Variants in FSD1L observed in about 807,000 individuals in gnomAD.
FSD1L encodes FSD1-like protein.
In FSD1L, 45 loss-of-function variants were observed where a neutral mutation model predicts 71.6. The ratio of observed to expected loss-of-function variants is 0.63; its 90% CI spans 0.49 to 0.81. The LOEUF is 0.81. Ranked by LOEUF, FSD1L falls within the 30% of genes least tolerant of loss-of-function variation. The probability of loss-of-function intolerance (pLI) is 0.00; values close to 1 mark genes in which losing one functional copy is unlikely to be tolerated. For missense variants in FSD1L, 561 were observed against 618.1 expected (o/e 0.91, Z 0.98); for synonymous variants, 197 against 207.2 (o/e 0.95, Z 0.42).
At chr9:105,536,879 C>T (rs1005550060) in intron 12 of FSD1L, among the ~76,000 whole-genome samples, 5 of 152,154 alleles carry the variant, frequency 3.3e-5, no homozygotes, top group African/African-American at 1.2e-4. Context: ...TCAAGTGATC[C>T]ACCTGGCTGG....
intron 10 of FSD1L, chr9:105,521,092 T>C (rs1339188421): frequency 9.3e-6 from 15 of 1,613,572 alleles, no homozygotes; most frequent in Non-Finnish European, 1.3e-5. Context: ...CATTATGTCA[T>C]GATAAAGAAA....
chr9:105,552,119 A>G lies in FSD1L; in HGVS notation c.*5636A>G, dbSNP rs1837289023. On this transcript the variant is annotated 3_prime_UTR_variant, in exon 14 of 14. Transcript: ENST00000481272. ...CAGATTTAGTATGTCTATTATCTGG[A>G]CATGATTTTGCTATGCAGTTGTGAT... 1 of 152,182 alleles carries G rather than the reference A, an allele frequency of 6.6e-6. No homozygotes were observed. The highest frequency in any genetic ancestry group is 1.5e-5 in the Non-Finnish European group (1 of 68,020). 9.4% of individuals were successfully genotyped at this position (152,182 alleles called of 1,614,324 possible).
At chr9:105,481,919 C>T (rs1047565629) in intron 6 of FSD1L, among the ~76,000 whole-genome samples, 8 of 151,930 alleles carry the variant, frequency 5.3e-5, no homozygotes, top group Non-Finnish European at 7.4e-5. Context: ...ACTGCAGGCA[C>T]GTGCCACCAT....
intron 1 of FSD1L, among the ~76,000 whole-genome samples, chr9:105,452,695 C>T (rs865906629): frequency 6.1e-5 from 9 of 147,636 alleles, no homozygotes; most frequent in Middle Eastern, 3.2e-3. Context: ...TCCTTCCTTC[C>T]TTCCTTCCTT....
intron 7 of FSD1L, among the ~76,000 whole-genome samples, chr9:105,494,437 T>G (rs1248478666): frequency 1.3e-5 from 2 of 152,200 alleles, no homozygotes; most frequent in Non-Finnish European, 2.9e-5. Context: ...TTCTTTGCCT[T>G]TGGTTTGAAT....
chr9:105,469,601 A>G lies in FSD1L; in HGVS notation c.339+1277A>G, dbSNP rs531991916. On this transcript the variant is annotated intron_variant, in intron 4 of 13. Coordinates refer to ENST00000481272, the MANE Select transcript of FSD1L (RefSeq NM_001145313.3). ...AAGTGTCTATTCAGGTTCTTTGGCC[A>G]TCTTTTAATTGGGTTACTTGGGGTT... Among the ~76,000 whole-genome samples the G allele has an allele frequency of 5.3e-5, 8 of 151,712 alleles. No homozygotes were observed. The South Asian group carries it at 1.5e-3, about 28-fold the overall frequency.
chr9:105,522,261 A>T, intron 10 of FSD1L: 1 of 1,613,200 alleles, frequency 6.2e-7, no homozygotes, highest in Non-Finnish European at 8.5e-7. Flanking sequence ...GGAGACATTA[A>T]CTAAAGTTTT....
At chr9:105,533,416 C>CTTTTTTTTTTGTTTTT (rs1836035759) in intron 10 of FSD1L, among the ~76,000 whole-genome samples, 1 of 29,070 alleles carries the variant, frequency 3.4e-5, no homozygotes, top group South Asian at 2.5e-3. Context: ...CCATTTCCAT[C>CTTTTTTTTTTGTTTTT]TTTTTTTTTT....
intron 7 of FSD1L, among the ~76,000 whole-genome samples, chr9:105,495,312 G>A (rs1189272831): frequency 6.6e-6 from 1 of 152,312 alleles, no homozygotes; most frequent in African/African-American, 2.4e-5. Flanking sequence ...GCCAGGTGCG[G>A]GATATAATCT....
At chr9:105,457,056 T>G (rs1204368050) in intron 1 of FSD1L, among the ~76,000 whole-genome samples, 3 of 152,312 alleles carry the variant, frequency 2.0e-5, no homozygotes, top group African/African-American at 7.2e-5. Flanking sequence ...TCTTTGCCCT[T>G]CTTTACCCAT....
chr9:105,474,502 A>C (rs760010592), intron 5 of FSD1L, among the ~76,000 whole-genome samples: 3 of 152,198 alleles, frequency 2.0e-5, no homozygotes, highest in African/African-American at 4.8e-5. Context: ...TAAAAAACTA[A>C]GTTCACTTTC....
intron 10 of FSD1L, chr9:105,522,428 T>C (rs941232725): frequency 1.1e-5 from 17 of 1,613,780 alleles, no homozygotes; most frequent in Non-Finnish European, 1.0e-5. Flanking sequence ...GTGATCAGCC[T>C]GGCCAAGCCC....
chr9:105,529,343 T>A (rs1297712563), intron 10 of FSD1L, among the ~76,000 whole-genome samples: 1 of 152,202 alleles, frequency 6.6e-6, no homozygotes, highest in Non-Finnish European at 1.5e-5. Flanking sequence ...ATCGGGTCAC[T>A]ATTCACAACA....
chr9:105,528,252 G>A (rs1835652692), intron 10 of FSD1L, among the ~76,000 whole-genome samples: 1 of 152,174 alleles, frequency 6.6e-6, no homozygotes, highest in South Asian at 2.1e-4. Context: ...TTCCCATCAA[G>A]CTACCATTGA....
intron 5 of FSD1L, among the ~76,000 whole-genome samples, chr9:105,476,865 TTGC>T (rs1831838682): frequency 6.6e-6 from 1 of 152,254 alleles, no homozygotes. Context: ...CTTCTAATCA[TTGC>T]TCAGAATAAC....
At chr9:105,505,179 T>G (rs1253385778) in intron 7 of FSD1L, among the ~76,000 whole-genome samples, 1 of 152,256 alleles carries the variant, frequency 6.6e-6, no homozygotes, top group Non-Finnish European at 1.5e-5. Flanking sequence ...TCTGTTCCGC[T>G]TATTCATCTC....
chr9:105,543,623 C>T (rs1034756679), intron 13 of FSD1L, among the ~76,000 whole-genome samples: 1 of 152,066 alleles, frequency 6.6e-6, no homozygotes, highest in African/African-American at 2.4e-5. Flanking sequence ...GTGATGTTCC[C>T]CTTCCTGTGT....
chr9:105,460,214 C>T (rs1830600356), intron 1 of FSD1L, among the ~76,000 whole-genome samples: 3 of 152,156 alleles, frequency 2.0e-5, no homozygotes, highest in Admixed American at 2.0e-4. Context: ...GCTATTAATA[C>T]ATCTTAGGCC....
At chr9:105,524,833 C>G (rs1715412920) in intron 10 of FSD1L, 2 of 1,588,838 alleles carry the variant, frequency 1.3e-6, no homozygotes, top group Admixed American at 3.3e-5. Flanking sequence ...GGTGGTCCTG[C>G]TATGCTAACA....
Sources: gnomAD v4.1 joint callset for allele counts (sites outside exome capture counted in the v4.1 genomes callset) on GRCh38, gnomAD v4.1.1 for gene constraint, MANE v1.5 for transcripts, NCBI Gene and HGNC (gene_info 2026-07-23, HGNC 2026-07-21) for gene names.